GRIK1: variants seen among roughly 807,000 people sequenced by gnomAD.
GRIK1 encodes the protein glutamate receptor ionotropic, kainate 1.
Under a neutral mutation model 105.7 loss-of-function variants are expected in GRIK1, and 69 were observed. That is an observed-to-expected ratio of 0.65 (90% CI 0.54 to 0.80). The LOEUF is 0.80. Among genes scored for constraint, GRIK1 ranks in the 30% least tolerant of loss-of-function variants. The pLI is 0.00. For missense variants in GRIK1, 1,109 were observed against 1,167.3 expected (o/e 0.95, Z 0.73); for synonymous variants, 438 against 431.3 (o/e 1.02, Z -0.19).
chr21:29,726,067 T>C (rs188799914), intron 1 of GRIK1, among the ~76,000 whole-genome samples: 84 of 152,314 alleles, frequency 5.5e-4, no homozygotes, highest in African/African-American at 1.9e-3. Flanking sequence ...GAAAAGGCTT[T>C]TGTGCTTGGT....
At chr21:29,579,654 A>G (rs1234989844) in intron 13 of GRIK1, among the ~76,000 whole-genome samples, 1 of 152,142 alleles carries the variant, frequency 6.6e-6, no homozygotes, top group Non-Finnish European at 1.5e-5. Context: ...AGACAGATGC[A>G]CTAACAGTCA....
At chr21:29,854,226 T>C (rs1230009712) in intron 1 of GRIK1, among the ~76,000 whole-genome samples, 1 of 152,074 alleles carries the variant, frequency 6.6e-6, no homozygotes. Flanking sequence ...CGAGTGGGGC[T>C]GCGCTGTTTT....
In GRIK1 at chr21:29,919,216, C is replaced by T. The variant is rs949861037; in HGVS notation, c.118+20167G>A. On this transcript the variant is annotated intron_variant, in intron 1 of 17. Transcript: ENST00000327783. ...TCTTCCAAGCTGATGTTGTCTTGCACTGGCCAAAAGCAATATGAAGCCTGA... is the reference window on the plus strand; with the variant it reads ...TCTTCCAAGCTGATGTTGTCTTGCATTGGCCAAAAGCAATATGAAGCCTGA... Among the ~76,000 whole-genome samples, 3 of 152,074 alleles carry T rather than the reference C, an allele frequency of 2.0e-5. 1 individual carries two copies. The highest frequency in any genetic ancestry group is 6.6e-5 in the Admixed American group (1 of 15,246).
intron 1 of GRIK1, among the ~76,000 whole-genome samples, chr21:29,877,327 G>A (rs1412277495): frequency 6.6e-6 from 1 of 152,004 alleles, no homozygotes. Flanking sequence ...TTGCAGAGTG[G>A]CCTTTGGAGG....
chr21:29,606,394 A>G (rs1282377166), intron 7 of GRIK1, among the ~76,000 whole-genome samples: 1 of 152,088 alleles, frequency 6.6e-6, no homozygotes, highest in Non-Finnish European at 1.5e-5. Flanking sequence ...CTAGGTGTTA[A>G]GCCCCACATG....
intron 1 of GRIK1, among the ~76,000 whole-genome samples, chr21:29,735,910 G>T (rs2146917740): frequency 6.7e-6 from 1 of 149,756 alleles, no homozygotes; most frequent in Non-Finnish European, 1.5e-5. Context: ...CAATACTAAA[G>T]AAAAGGGAAT....
chr21:29,791,672 A>G (rs995068535), intron 1 of GRIK1, among the ~76,000 whole-genome samples: 6 of 152,206 alleles, frequency 3.9e-5, no homozygotes, highest in African/African-American at 1.2e-4. Context: ...CAATTGGTCA[A>G]TGATGGCTTT....
intron 1 of GRIK1, among the ~76,000 whole-genome samples, chr21:29,772,707 T>G (rs569877455): frequency 4.4e-4 from 67 of 152,300 alleles, no homozygotes; most frequent in African/African-American, 1.6e-3. Flanking sequence ...AAAGAGATCC[T>G]TAAAAGGTTC....
intron 1 of GRIK1, among the ~76,000 whole-genome samples, chr21:29,857,297 G>T (rs760466422): frequency 1.3e-5 from 2 of 152,190 alleles, no homozygotes; most frequent in Non-Finnish European, 2.9e-5. Flanking sequence ...GCCCACAATG[G>T]ACCTGTCTGA....
At chr21:29,882,657 C>A (rs1030251865) in intron 1 of GRIK1, among the ~76,000 whole-genome samples, 2 of 152,082 alleles carry the variant, frequency 1.3e-5, no homozygotes, top group Non-Finnish European at 2.9e-5. Flanking sequence ...ATTCACAGAA[C>A]CGAAATGAGG....
chr21:29,612,683 G>T (rs919527386), intron 7 of GRIK1, among the ~76,000 whole-genome samples: 66 of 152,262 alleles, frequency 4.3e-4, no homozygotes, highest in African/African-American at 1.2e-3. Context: ...AAGCTGTATG[G>T]AAAACAGAAA....
At chr21:29,560,279 T>TTTTTC (rs1178741384) in intron 15 of GRIK1, among the ~76,000 whole-genome samples, 3 of 69,880 alleles carry the variant, frequency 4.3e-5, no homozygotes, top group South Asian at 5.7e-4. Context: ...TATGATACAG[T>TTTTTC]TTTCTTTCTT....
chr21:29,814,482 C>T (rs972849664), intron 1 of GRIK1, among the ~76,000 whole-genome samples: 13 of 152,032 alleles, frequency 8.6e-5, no homozygotes, highest in Non-Finnish European at 1.3e-4. Context: ...GAGGCAGCTG[C>T]ACCATTTACA....
intron 6 of GRIK1, among the ~76,000 whole-genome samples, chr21:29,643,954 C>G (rs773598636): frequency 2.6e-5 from 4 of 152,084 alleles, no homozygotes; most frequent in Non-Finnish European, 5.9e-5. Flanking sequence ...ACACCACATA[C>G]ACAATCATAG....
At chr21:29,625,644 T>G (rs995824778) in intron 7 of GRIK1, among the ~76,000 whole-genome samples, 1 of 152,212 alleles carries the variant, frequency 6.6e-6, no homozygotes, top group African/African-American at 2.4e-5. Flanking sequence ...TCTGTTATAA[T>G]GTGACCAAAT....
intron 3 of GRIK1, among the ~76,000 whole-genome samples, chr21:29,681,098 A>T (rs1252972233): frequency 1.3e-5 from 2 of 152,212 alleles, no homozygotes; most frequent in African/African-American, 2.4e-5. Flanking sequence ...GCACCACTGC[A>T]CTCCAGCCTG....
chr21:29,709,283 T>C (rs2063988365), intron 1 of GRIK1, among the ~76,000 whole-genome samples: 1 of 148,756 alleles, frequency 6.7e-6, no homozygotes, highest in African/African-American at 2.5e-5. Flanking sequence ...TTCTTCTTTT[T>C]TTTTTTTTTT....
chr21:29,627,387 A>T (rs2062155830), intron 7 of GRIK1, among the ~76,000 whole-genome samples: 1 of 152,224 alleles, frequency 6.6e-6, no homozygotes, highest in Non-Finnish European at 1.5e-5. Flanking sequence ...AGAGAAAAGT[A>T]GAGGGAAGGT....
chr21:29,581,487 A>T lies in GRIK1; in HGVS notation c.1850T>A (p.Val617Glu). 1 of 1,613,382 alleles carries T rather than the reference A, an allele frequency of 6.2e-7. No homozygotes were observed. Among genetic ancestry groups the T allele is most frequent in the Non-Finnish European group, 8.5e-7 (1 of 1,179,434 alleles). ...ATTTAGTAAAGTAAAATTGTTTTCC[A>T]CCACGTCTGAGTCAGGGTTGCATGG... ...PHPCNPDSDV[V>E]ENNFTLLNSF... Residue 617 changes from valine (V) to glutamate (E), a missense_variant, in exon 13 of 18, where the codon GTG becomes GAG. Val to Glu is a moderately radical substitution (Grantham distance 121). This residue lies in a region of GRIK1 where 264 missense variants were observed against 306.9 expected (regional missense o/e 0.86). Coordinates refer to ENST00000327783, the MANE Select transcript of GRIK1 (RefSeq NM_001330994.2).
Sources: gnomAD v4.1 joint callset for allele counts (sites outside exome capture counted in the v4.1 genomes callset) on GRCh38, gnomAD v4.1.1 for gene constraint, gnomAD v4.1.1 regional missense constraint, MANE v1.5 for transcripts, NCBI Gene and HGNC (gene_info 2026-07-23, HGNC 2026-07-21) for gene names.